LRP1B: variants seen among roughly 807,000 people sequenced by gnomAD.
LRP1B encodes the protein low-density lipoprotein receptor-related protein 1B.
In LRP1B, 217 loss-of-function variants were observed where a neutral mutation model predicts 556.6. That is an observed-to-expected ratio of 0.39 (90% CI 0.35 to 0.44). The LOEUF (loss-of-function observed/expected upper bound fraction) is 0.44, where lower values mean the gene tolerates loss of function less well. Ranked by LOEUF, LRP1B falls within the 20% of genes least tolerant of loss-of-function variation. LRP1B has a pLI of 1.00. For synonymous variants in LRP1B, 2,047 were observed against 1,865.8 expected (o/e 1.10, Z -2.50); for missense variants, 5,053 against 5,620.8 (o/e 0.90, Z 3.23).
chr2:142,108,677 C>T (rs1706848498), intron 1 of LRP1B, among the ~76,000 whole-genome samples: 1 of 152,146 alleles, frequency 6.6e-6, no homozygotes, highest in African/African-American at 2.4e-5. Flanking sequence ...ACTGAGGAGG[C>T]TTGGACATTC....
rs191897054 is a variant in LRP1B, at chr2:141,582,921, C to T, written c.206-102388G>A. Among the ~76,000 whole-genome samples, 937 of 148,692 alleles carry T rather than the reference C, an allele frequency of 6.3e-3. 25 individuals carry two copies. The highest frequency in any genetic ancestry group is 0.052 in the Admixed American group (776 of 14,822). On this transcript the variant is annotated intron_variant, in intron 2 of 90. Coordinates refer to ENST00000389484, the MANE Select transcript of LRP1B (RefSeq NM_018557.3). Reference sequence around the variant, plus strand: ...CCTGATCTCGGCTCACTGCAACCTCCGCCTCCTGGGTTCACGCCATTCTCC... The same window carrying T: ...CCTGATCTCGGCTCACTGCAACCTCTGCCTCCTGGGTTCACGCCATTCTCC...
chr2:141,254,656 C>G lies in LRP1B; in HGVS notation c.344-15G>C, dbSNP rs2105340679. The G allele has an allele frequency of 6.3e-7, 1 of 1,578,446 alleles. No homozygotes were observed. Among genetic ancestry groups the G allele is most frequent in the Non-Finnish European group, 8.7e-7 (1 of 1,151,930 alleles). On this transcript the variant is annotated splice_polypyrimidine_tract_variant and intron_variant, in intron 3 of 90. Transcript: ENST00000389484. ...GGATAACAGTTCTGTAGAGAAAAAA[C>G]AAATATATTCTCTATATTTAACTGT...
Position 140,300,504 on chromosome 2 carries a change from C to A in LRP1B, c.12806-2535G>T, listed in dbSNP as rs183675725. Among the ~76,000 whole-genome samples the A allele has an allele frequency of 3.9e-5, 6 of 152,216 alleles. No homozygotes were observed. In the East Asian group the frequency reaches 9.7e-4, roughly 24 times the overall value. ...GTATAGATTTATAGCAGCGATGCATCCAGGGAGCTGGGGAGTTGACAGCCT... is the reference window on the plus strand; with the variant it reads ...GTATAGATTTATAGCAGCGATGCATACAGGGAGCTGGGGAGTTGACAGCCT... On this transcript the variant is annotated intron_variant, in intron 83 of 90. Coordinates refer to ENST00000389484, the MANE Select transcript of LRP1B (RefSeq NM_018557.3).
At chr2:141,208,873 T>C (rs1355663631) in intron 6 of LRP1B, among the ~76,000 whole-genome samples, 1 of 54,030 alleles carries the variant, frequency 1.9e-5, no homozygotes, top group Non-Finnish European at 3.1e-5. Flanking sequence ...TGAGATTCCG[T>C]CTCAAAAAAA....
At chr2:141,191,965 A>G (rs1023756108) in intron 6 of LRP1B, among the ~76,000 whole-genome samples, 6 of 151,918 alleles carry the variant, frequency 3.9e-5, no homozygotes, top group Non-Finnish European at 7.4e-5. Context: ...GACAGCATTC[A>G]TACCTTCTCT....
chr2:141,484,944 T>A (rs4429408), intron 2 of LRP1B, among the ~76,000 whole-genome samples: 136,708 of 152,094 alleles, frequency 0.9, 62,212 homozygotes, highest in East Asian at 1. Context: ...AAATCAAAGT[T>A]TGATTTTTCA....
intron 43 of LRP1B, among the ~76,000 whole-genome samples, chr2:140,596,141 CA>C (rs1283820742): frequency 1.3e-5 from 2 of 152,098 alleles, no homozygotes; most frequent in African/African-American, 4.8e-5. Context: ...TCTAAGGCTT[CA>C]GAATATCTAT....
intron 49 of LRP1B, among the ~76,000 whole-genome samples, chr2:140,523,994 C>T (rs565213586): frequency 1.6e-3 from 238 of 151,908 alleles, no homozygotes; most frequent in African/African-American, 5.2e-3. Flanking sequence ...AACGAAAGAG[C>T]TTCTGCACGA....
chr2:142,008,022 T>C (rs1219975128), intron 1 of LRP1B, among the ~76,000 whole-genome samples: 1 of 152,188 alleles, frequency 6.6e-6, no homozygotes, highest in Non-Finnish European at 1.5e-5. Context: ...TTTTCCTTTA[T>C]GGTCCAGTTA....
At chr2:140,417,391 C>T (rs1009031818) in intron 66 of LRP1B, among the ~76,000 whole-genome samples, 2 of 152,082 alleles carry the variant, frequency 1.3e-5, no homozygotes, top group Non-Finnish European at 2.9e-5. Context: ...AGACAAACTG[C>T]TGAAATAGCA....
At chr2:141,186,973 A>G (rs1681289558) in intron 7 of LRP1B, among the ~76,000 whole-genome samples, 6 of 152,048 alleles carry the variant, frequency 3.9e-5, no homozygotes, top group Admixed American at 3.9e-4. Flanking sequence ...TTTGACAGAC[A>G]CTGCTGTCTA....
Position 140,537,175 on chromosome 2 carries a change from T to TAAA in LRP1B, c.7514-467_7514-466insTTT, listed in dbSNP as rs1679944238. On this transcript the variant is annotated intron_variant, in intron 45 of 90. Transcript: ENST00000389484. Reference sequence around the variant, plus strand: ...AACAGGGTGAGACTCTGTATCAAAATAATAATTATTATTATATATAAGAAT... The same window carrying TAAA: ...AACAGGGTGAGACTCTGTATCAAAATAAAAATAATTATTATTATATATAAGAAT... Among the ~76,000 whole-genome samples the TAAA allele has an allele frequency of 2.1e-5, 3 of 142,076 alleles. No individual in the cohort carries two copies. The Admixed American group carries it at 2.2e-4, about 11-fold the overall frequency. The allele number at this position is 142,076 out of a possible 152,430, so 93.2% of individuals were successfully genotyped here. A position where few individuals can be genotyped will look rare whatever the true frequency, so the allele number is the denominator to read the frequency against.
chr2:141,125,498 C>T (rs1236029573), intron 7 of LRP1B, among the ~76,000 whole-genome samples: 1 of 152,126 alleles, frequency 6.6e-6, no homozygotes, highest in African/African-American at 2.4e-5. Flanking sequence ...TGCTAGCATT[C>T]TCTTAGTTTA....
chr2:140,853,458 A>G (rs1049341483), intron 27 of LRP1B, among the ~76,000 whole-genome samples: 17 of 152,166 alleles, frequency 1.1e-4, no homozygotes, highest in African/African-American at 3.1e-4. Context: ...TACAGACCTC[A>G]GCCATGAACC....
chr2:140,585,526 A>G (rs1447131833), intron 43 of LRP1B, among the ~76,000 whole-genome samples: 1 of 152,138 alleles, frequency 6.6e-6, no homozygotes. Context: ...ATATATATCA[A>G]ATGGCTGATC....
At chr2:141,170,126 A>G (rs147078848) in intron 7 of LRP1B, among the ~76,000 whole-genome samples, 12 of 152,256 alleles carry the variant, frequency 7.9e-5, no homozygotes, top group Admixed American at 2.0e-4. Flanking sequence ...ACAAACTCAC[A>G]TAAGTCACTT....
intron 1 of LRP1B, among the ~76,000 whole-genome samples, chr2:142,073,771 C>A (rs1393073642): frequency 1.3e-5 from 2 of 151,958 alleles, no homozygotes; most frequent in Non-Finnish European, 2.9e-5. Context: ...TGGTGCTTTT[C>A]TCCTGATAGA....
intron 1 of LRP1B, among the ~76,000 whole-genome samples, chr2:141,932,757 TC>T (rs1317898260): frequency 1.3e-5 from 2 of 152,028 alleles, no homozygotes; most frequent in Non-Finnish European, 2.9e-5. Context: ...ATGACCTGTT[TC>T]TTGAAGAAAG....
intron 2 of LRP1B, among the ~76,000 whole-genome samples, chr2:141,486,274 T>C (rs11887304): frequency 0.85 from 129,126 of 152,202 alleles, 55,392 homozygotes; most frequent in East Asian, 0.93. Context: ...TTAGTCAAAA[T>C]AGATTTCACT....
Sources: gnomAD v4.1 joint callset for allele counts (sites outside exome capture counted in the v4.1 genomes callset) on GRCh38, gnomAD v4.1.1 for gene constraint, MANE v1.5 for transcripts, NCBI Gene and HGNC (gene_info 2026-07-23, HGNC 2026-07-21) for gene names.